The following RTN2 variants were observed in gnomAD, a reference collection of about 807,000 sequenced individuals.
RTN2 encodes the protein reticulon 2.
A neutral mutation model predicts 63.7 loss-of-function variants in RTN2; 36 were observed. The ratio of observed to expected loss-of-function variants is 0.56; its 90% CI spans 0.43 to 0.75. The LOEUF is 0.75. Ranked by LOEUF, RTN2 falls within the 30% of genes least tolerant of loss-of-function variation. The probability of loss-of-function intolerance (pLI) is 0.00; values close to 1 mark genes in which losing one functional copy is unlikely to be tolerated. For synonymous variants in RTN2, 312 were observed against 313.0 expected (o/e 1.00, Z 0.03); for missense variants, 673 against 705.1 (o/e 0.95, Z 0.52).
rs568409713 is a variant in RTN2 at position 45,489,210 on chromosome 19, G to C, written c.1241+136C>G. 66 of 920,272 alleles carry C rather than the reference G, an allele frequency of 7.2e-5. No homozygotes were observed. The Admixed American group carries it at 7.6e-4, about 11-fold the overall frequency. The allele number at this position is 920,272 out of a possible 1,614,324, so 57.0% of individuals were successfully genotyped here. ...GTTAGGATCAGAGATTAGGATTGAA[G>C]GGTAGGTTAGGGGATCGGGATGAAA... On this transcript the variant is annotated intron_variant, in intron 6 of 10. Coordinates refer to ENST00000245923, the MANE Select transcript of RTN2 (RefSeq NM_005619.5).
intron 6 of RTN2, 64 bp downstream of exon 6, chr19:45,489,282 T>G: frequency 1.4e-5 from 20 of 1,461,040 alleles, no homozygotes; most frequent in Non-Finnish European, 1.8e-5. Context: ...GTGCCTGATT[T>G]GAGGTCGTGG....
chr19:45,494,430 TAGAG>T lies in RTN2; in HGVS notation c.560-14_560-11del. 1 of 1,607,594 alleles carries T rather than the reference TAGAG, an allele frequency of 6.2e-7. No homozygotes were observed. The highest frequency in any genetic ancestry group is 1.7e-5 in the Admixed American group (1 of 59,632). ...AGTCGTAGGTCCAGTTCTGATACGG[TAGAG>T]AGAGGAGGCCGTGAGCTTTCTTCTT... On this transcript the variant is annotated splice_polypyrimidine_tract_variant and intron_variant, in intron 3 of 10. Transcript: ENST00000245923. This position sits in a 1 kb window ranked among gnomAD's most constrained non-coding sequence, Gnocchi z 5.3.
intron 1 of RTN2, 46 bp from the exon 2 acceptor site, chr19:45,495,185 C>A (rs780473450): frequency 1.9e-6 from 3 of 1,606,382 alleles, no homozygotes; most frequent in Non-Finnish European, 2.6e-6. Flanking sequence ...TTAGACTGTC[C>A]GAATCACAGA....
At chr19:45,493,996 A>G in intron 4 of RTN2, 170 bp downstream of exon 4, 3 of 1,164,978 alleles carry the variant, frequency 2.6e-6, no homozygotes, top group Non-Finnish European at 3.6e-6. Context: ...GGCCGGGGAA[A>G]TTTTTTTAAA....
In RTN2 at chr19:45,485,671, G is replaced by T; in HGVS notation, c.*37C>A. 2 of 1,551,920 alleles carry T rather than the reference G, an allele frequency of 1.3e-6. No individual in the cohort carries two copies. Among genetic ancestry groups the T allele is most frequent in the Non-Finnish European group, 1.8e-6 (2 of 1,126,396 alleles). ...TGGAGGGGGCCAGAGGGCTGCGGGG[G>T]CTGGGGGCAGGCGTCCTGCGGGCAG... is the stretch of plus-strand genomic sequence containing the variant. On this transcript the variant is annotated 3_prime_UTR_variant, in exon 11 of 11. Transcript: ENST00000245923.
chr19:45,491,357 C>T (rs2122218390), intron 5 of RTN2, among the ~76,000 whole-genome samples: 1 of 135,370 alleles, frequency 7.4e-6, no homozygotes, highest in South Asian at 2.6e-4. Context: ...CGATATCGTG[C>T]TAATTTTTTT....
At chr19:45,485,820 G>A (rs1237026445) in intron 10 of RTN2, 31 bp from the exon 11 acceptor site, 1 of 1,575,586 alleles carries the variant, frequency 6.3e-7, no homozygotes. Flanking sequence ...ATCACGAGGT[G>A]GGGCAAGAGA....
Position 45,485,562 on chromosome 19 carries a change from CAG to C in RTN2, c.*144_*145del, listed in dbSNP as rs1968000290. 3.1e-6 allele frequency: 2 copies of C among 655,202 alleles called. No homozygotes were observed. Among genetic ancestry groups the C allele is most frequent in the Admixed American group, 2.5e-5 (1 of 40,436 alleles). The allele number at this position is 655,202 out of a possible 1,614,324, so 40.6% of individuals were successfully genotyped here. A position where few individuals can be genotyped will look rare whatever the true frequency, so the allele number is the denominator to read the frequency against. ...GTCCTGGTCGCTCAGGTAATTAGCG[CAG>C]AGTCCCTAGTGGGAGTGATCCTGAC... On this transcript the variant is annotated 3_prime_UTR_variant, in exon 11 of 11. Coordinates refer to ENST00000245923, the MANE Select transcript of RTN2 (RefSeq NM_005619.5).
At position 45,485,561 on chromosome 19, in the gene RTN2, G is replaced by T. The variant is rs936435150; in HGVS notation, c.*147C>A. ...AGTCCTGGTCGCTCAGGTAATTAGCGCAGAGTCCCTAGTGGGAGTGATCCT... is the reference window on the plus strand; with the variant it reads ...AGTCCTGGTCGCTCAGGTAATTAGCTCAGAGTCCCTAGTGGGAGTGATCCT... On this transcript the variant is annotated 3_prime_UTR_variant, in exon 11 of 11. Transcript: ENST00000245923. 3.1e-6 allele frequency: 2 copies of T among 652,392 alleles called. No individual in the cohort carries two copies. The highest frequency in any genetic ancestry group is 1.8e-5 in the African/African-American group (1 of 55,838). The allele number at this position is 652,392 out of a possible 1,614,324, so 40.4% of individuals were successfully genotyped here.
At position 45,489,371 on chromosome 19, in the gene RTN2, G is replaced by T. The variant is rs977755323; in HGVS notation, c.1216C>A (p.Arg406=). 3 of 1,575,974 alleles carry T rather than the reference G, an allele frequency of 1.9e-6. No individual in the cohort carries two copies. The East Asian group carries it at 7.0e-5, about 37-fold the overall frequency. ...TGGAAAGGGTTGGCTCCATCCCCCC[G>T]GTGCACGGCCTGCAGCACTTTGCGG... The part of the protein sequence containing the change: ...VYRKVLQAVH[R]GDGANPFQAY... The change falls in exon 6 of 11, where the codon CGG becomes AGG. Residue 406 remains arginine (R), a synonymous_variant. Transcript: ENST00000245923.
rs755919124 is a variant in RTN2, at chr19:45,489,406, A to C, written c.1181T>G (p.Leu394Arg). ...CTGCAGCACTTTGCGGTAAACCCTG[A>C]GAGAGATGGTGCCGCAGAGCAGCAA... ...ALLLLCGTIS[L>R]RVYRKVLQAV... The change falls in exon 6 of 11, where the codon CTC becomes CGC. Residue 394 changes from leucine to arginine, a missense_variant. Coordinates refer to ENST00000245923, the MANE Select transcript of RTN2 (RefSeq NM_005619.5). 1.7e-5 allele frequency: 27 copies of C among 1,603,008 alleles called. No individual in the cohort carries two copies. Among genetic ancestry groups the C allele is most frequent in the Non-Finnish European group, 1.6e-5 (19 of 1,175,272 alleles).
chr19:45,488,558 G>T (rs767389010), intron 8 of RTN2, 41 bp from the exon 9 acceptor site: 1 of 1,613,624 alleles, frequency 6.2e-7, no homozygotes. Context: ...GTTCCCAAGA[G>T]ATGAACAGTT....
At chr19:45,490,765 T>C (rs553187523) in intron 5 of RTN2, among the ~76,000 whole-genome samples, 2 of 151,068 alleles carry the variant, frequency 1.3e-5, no homozygotes, top group African/African-American at 2.4e-5. Context: ...TTGGTAGAGA[T>C]GGGGTTTCAC....
At position 45,494,544 on chromosome 19, in the gene RTN2, T is replaced by C. The variant is rs2122227496; in HGVS notation, c.541A>G (p.Thr181Ala). 2 of 1,613,904 alleles carry C rather than the reference T, an allele frequency of 1.2e-6. No individual in the cohort carries two copies. The highest frequency in any genetic ancestry group is 1.1e-5 in the South Asian group (1 of 91,078). ...ATCTCACCTTCCCCAGCTTCTCCTGTCTCCAATCTGTTGGGTTCTTGGGGT... is the reference window on the plus strand; with the variant it reads ...ATCTCACCTTCCCCAGCTTCTCCTGCCTCCAATCTGTTGGGTTCTTGGGGT... ...EEPQEPNRLE[T>A]GEAGEELDLR... The change falls in exon 3 of 11, where the codon ACA becomes GCA. Residue 181 changes from threonine to alanine, a missense_variant. Transcript: ENST00000245923. This position sits in a 1 kb window ranked among gnomAD's most constrained non-coding sequence, Gnocchi z 5.3.
At chr19:45,490,527 T>TTGTGTGTGTG (rs1374705450) in intron 5 of RTN2, among the ~76,000 whole-genome samples, 24 of 114,494 alleles carry the variant, frequency 2.1e-4, no homozygotes, top group Non-Finnish European at 1.9e-5. Context: ...GGTGGACTGG[T>TTGTGTGTGTG]TGTGTGTCTG....
intron 8 of RTN2, 24 bp downstream of exon 8, chr19:45,488,613 C>G: frequency 3.1e-6 from 5 of 1,613,666 alleles, no homozygotes; most frequent in Non-Finnish European, 4.2e-6. Flanking sequence ...TCCCCATTTG[C>G]CCCTTACGGC....
At chr19:45,489,676 C>CTTTTT (rs200770145) in intron 5 of RTN2, 123 bp from the exon 6 acceptor site, 239 of 502,026 alleles carry the variant, frequency 4.8e-4, no homozygotes, top group African/African-American at 1.3e-3. Context: ...ACCTGATTTC[C>CTTTTT]TTTTTTTTTT....
At chr19:45,491,751 C>T (rs1414636429) in intron 5 of RTN2, among the ~76,000 whole-genome samples, 5 of 151,804 alleles carry the variant, frequency 3.3e-5, no homozygotes, top group Admixed American at 6.6e-5. Context: ...AGGATGGTCT[C>T]GATCTCCTGA....
chr19:45,495,338 C>G, intron 1 of RTN2, 199 bp from the exon 2 acceptor site: 1 of 631,938 alleles, frequency 1.6e-6, no homozygotes, highest in Non-Finnish European at 2.7e-6. Flanking sequence ...ATCTTAGAGT[C>G]TTCAAAGTAG....
Sources: allele counts gnomAD v4.1 joint callset (sites outside exome capture counted in the v4.1 genomes callset), GRCh38; gene constraint gnomAD v4.1.1; non-coding constraint Gnocchi (gnomAD v3.1); transcripts MANE v1.5; gene names NCBI Gene and HGNC (gene_info 2026-07-23, HGNC 2026-07-21).